GNB4: variants seen among roughly 807,000 people sequenced by gnomAD.
GNB4 encodes guanine nucleotide-binding protein subunit beta-4.
In GNB4, 28 loss-of-function variants were observed where a neutral mutation model predicts 45.2. The ratio of observed to expected loss-of-function variants is 0.62; its 90% CI spans 0.46 to 0.85. GNB4 has a LOEUF of 0.85. Among genes scored for constraint, GNB4 ranks in the 40% least tolerant of loss-of-function variants. GNB4 has a pLI of 0.00. For missense variants in GNB4, 321 were observed against 425.4 expected, an observed-to-expected ratio of 0.75 and a Z score of 2.16; for synonymous variants, 132 against 143.7, an observed-to-expected ratio of 0.92 and a Z score of 0.58.
the GNB4 span, among the ~76,000 whole-genome samples, chr3:179,471,709 T>C: frequency 1.3e-5 from 2 of 152,200 alleles, no homozygotes; most frequent in Non-Finnish European, 2.9e-5. Context: ...TATTTTCTAG[T>C]CACCCATAGT....
At chr3:179,519,474 G>T in the GNB4 span, among the ~76,000 whole-genome samples, 2 of 151,990 alleles carry the variant, frequency 1.3e-5, no homozygotes, top group African/African-American at 4.8e-5. Context: ...TCTTTTCAAG[G>T]GCCTGTTTCC....
At chr3:179,402,016 TG>T (rs1357994902) in intron 9 of GNB4, among the ~76,000 whole-genome samples, 2 of 152,244 alleles carry the variant, frequency 1.3e-5, no homozygotes, top group African/African-American at 4.8e-5. Flanking sequence ...ATACAGTGTT[TG>T]AATTTGCATT....
the GNB4 span, among the ~76,000 whole-genome samples, chr3:179,489,070 C>T: frequency 9.4e-6 from 1 of 106,578 alleles, no homozygotes; most frequent in East Asian, 3.0e-4. Flanking sequence ...AAAATAACTA[C>T]CTCTATTTTA....
intron 4 of GNB4, among the ~76,000 whole-genome samples, chr3:179,418,521 CATT>C (rs1577030580): frequency 6.8e-6 from 1 of 146,066 alleles, no homozygotes; most frequent in South Asian, 2.2e-4. Context: ...AAGATTAAGA[CATT>C]ATGTCAGTTG....
chr3:179,404,012 T>G (rs1340645218), intron 9 of GNB4, among the ~76,000 whole-genome samples: 2 of 151,350 alleles, frequency 1.3e-5, no homozygotes, highest in Non-Finnish European at 2.9e-5. Flanking sequence ...TCAAAAAGGC[T>G]CACTAAATAC....
chr3:179,525,111 G>A, the GNB4 span, among the ~76,000 whole-genome samples: 6 of 152,164 alleles, frequency 3.9e-5, no homozygotes, highest in South Asian at 4.1e-4. Context: ...AGGATATCGG[G>A]TGAGTCGCAT....
At chr3:179,429,333 G>A (rs1715236886) in intron 1 of GNB4, among the ~76,000 whole-genome samples, 1 of 152,150 alleles carries the variant, frequency 6.6e-6, no homozygotes, top group East Asian at 1.9e-4. Flanking sequence ...GTGGGCACTG[G>A]GGAACACCGG....
At chr3:179,472,379 T>G in the GNB4 span, among the ~76,000 whole-genome samples, 1 of 150,748 alleles carries the variant, frequency 6.6e-6, no homozygotes, top group Middle Eastern at 3.4e-3. Flanking sequence ...TCTTTTTTTT[T>G]TTTTTTTTAA....
At chr3:179,467,404 A>C in the GNB4 span, among the ~76,000 whole-genome samples, 1 of 152,176 alleles carries the variant, frequency 6.6e-6, no homozygotes, top group African/African-American at 2.4e-5. Context: ...ACCTCTTGGA[A>C]GTATACCTTG....
chr3:179,403,673 A>G (rs959474735), intron 9 of GNB4, among the ~76,000 whole-genome samples: 5 of 151,756 alleles, frequency 3.3e-5, no homozygotes, highest in African/African-American at 4.8e-5. Context: ...TGCACTTGTA[A>G]TCCCAGCTAG....
At chr3:179,465,796 TTTC>T in the GNB4 span, among the ~76,000 whole-genome samples, 399 of 54,254 alleles carry the variant, frequency 7.4e-3, 3 homozygotes, top group South Asian at 0.019. Context: ...AGATAATTTT[TTTC>T]TTCTTCTTCT....
the GNB4 span, among the ~76,000 whole-genome samples, chr3:179,475,764 G>A: frequency 6.6e-6 from 1 of 152,264 alleles, no homozygotes; most frequent in Non-Finnish European, 1.5e-5. Flanking sequence ...GAGCCACCAT[G>A]CCTGGCCCTG....
intron 1 of GNB4, among the ~76,000 whole-genome samples, chr3:179,437,515 A>G (rs1166332729): frequency 1.3e-5 from 2 of 152,036 alleles, no homozygotes; most frequent in African/African-American, 2.4e-5. Context: ...CAGTGAGCGG[A>G]AGATTGCACA....
chr3:179,409,826 A>C (rs1330068776), intron 8 of GNB4, among the ~76,000 whole-genome samples: 1 of 116,866 alleles, frequency 8.6e-6, no homozygotes, highest in Admixed American at 9.2e-5. Context: ...AAAACAAAAA[A>C]ACAAAACAAA....
At chr3:179,409,594 G>A (rs531784750) in intron 8 of GNB4, among the ~76,000 whole-genome samples, 1 of 151,812 alleles carries the variant, frequency 6.6e-6, no homozygotes, top group Admixed American at 6.6e-5. Flanking sequence ...GGCAGATCAC[G>A]AGGTCAAGAG....
At chr3:179,408,422 G>A (rs187913811) in intron 8 of GNB4, among the ~76,000 whole-genome samples, 1 of 152,200 alleles carries the variant, frequency 6.6e-6, no homozygotes, top group African/African-American at 2.4e-5. Context: ...AGTGAGCTCT[G>A]GGAAAACTTC....
At chr3:179,512,172 G>A in the GNB4 span, among the ~76,000 whole-genome samples, 1 of 152,130 alleles carries the variant, frequency 6.6e-6, no homozygotes, top group Admixed American at 6.6e-5. Flanking sequence ...GACCTCCCAG[G>A]CCAGGCACCT....
At chr3:179,445,165 A>T (rs1280593815) in intron 1 of GNB4, among the ~76,000 whole-genome samples, 3 of 152,250 alleles carry the variant, frequency 2.0e-5, no homozygotes, top group Admixed American at 1.3e-4. Flanking sequence ...AAATTGATAG[A>T]ATCTGTTCCA....
the GNB4 span, among the ~76,000 whole-genome samples, chr3:179,472,999 TA>T: frequency 6.6e-6 from 1 of 152,066 alleles, no homozygotes; most frequent in Admixed American, 6.6e-5. Flanking sequence ...CCTTCTCTAC[TA>T]AAAATACAAA....
Sources: gnomAD v4.1 joint callset for allele counts (sites outside exome capture counted in the v4.1 genomes callset) on GRCh38, gnomAD v4.1.1 for gene constraint, MANE v1.5 for transcripts, NCBI Gene and HGNC (gene_info 2026-07-23, HGNC 2026-07-21) for gene names.